The following EXOC4 variants were observed in gnomAD, a reference collection of about 807,000 sequenced individuals.
EXOC4 encodes SEC8-like 1.
Under a neutral mutation model 107.2 loss-of-function variants are expected in EXOC4, and 71 were observed. The observed-to-expected ratio is 0.66, with a 90% CI of 0.55 to 0.81. The LOEUF (loss-of-function observed/expected upper bound fraction) is 0.81. Among genes scored for constraint, EXOC4 ranks in the 30% least tolerant of loss-of-function variants. The pLI, the probability that EXOC4 is intolerant of heterozygous loss-of-function variation, is 0.00. For missense variants in EXOC4, 1,108 were observed against 1,189.6 expected (o/e 0.93, Z 1.01); for synonymous variants, 456 against 441.2 (o/e 1.03, Z -0.42).
At chr7:133,440,908 T>C (rs1426267375) in intron 7 of EXOC4, among the ~76,000 whole-genome samples, 3 of 152,232 alleles carry the variant, frequency 2.0e-5, no homozygotes, top group African/African-American at 4.8e-5. Context: ...TTCTTTTTAT[T>C]CCTTTACTTT....
intron 9 of EXOC4, among the ~76,000 whole-genome samples, chr7:133,485,098 T>A (rs28529253): frequency 0.29 from 37,422 of 127,898 alleles, 6,454 homozygotes; most frequent in East Asian, 0.43. Flanking sequence ...AATAAATAAA[T>A]AAATAAATAA....
intron 7 of EXOC4, among the ~76,000 whole-genome samples, chr7:133,417,657 A>C (rs989915655): frequency 1.3e-5 from 2 of 152,160 alleles, no homozygotes; most frequent in African/African-American, 2.4e-5. Context: ...CTGCCTCTGT[A>C]CTAGTGACAT....
intron 10 of EXOC4, among the ~76,000 whole-genome samples, chr7:133,794,061 A>G (rs1190539622): frequency 1.3e-5 from 2 of 152,124 alleles, no homozygotes; most frequent in African/African-American, 4.8e-5. Context: ...GTCCTGATAC[A>G]GTGAGAACTG....
intron 11 of EXOC4, among the ~76,000 whole-genome samples, chr7:133,860,277 A>T (rs114910649): frequency 0.021 from 3,145 of 152,344 alleles, 129 homozygotes; most frequent in African/African-American, 0.072. Flanking sequence ...CTGGTCACAC[A>T]GACTGGCTAA....
intron 14 of EXOC4, among the ~76,000 whole-genome samples, chr7:133,990,570 C>G (rs913491413): frequency 6.6e-6 from 1 of 152,170 alleles, no homozygotes; most frequent in Non-Finnish European, 1.5e-5. Context: ...ATTCTCCTGC[C>G]TTAGCCTCCT....
intron 10 of EXOC4, among the ~76,000 whole-genome samples, chr7:133,704,423 T>C (rs1003224513): frequency 1.3e-5 from 2 of 152,224 alleles, no homozygotes; most frequent in African/African-American, 4.8e-5. Context: ...GCTATTCAGT[T>C]TCTCCAACAG....
intron 10 of EXOC4, among the ~76,000 whole-genome samples, chr7:133,673,492 T>C (rs1793991136): frequency 6.6e-6 from 1 of 152,190 alleles, no homozygotes; most frequent in Non-Finnish European, 1.5e-5. Flanking sequence ...GTGTATGCCC[T>C]GATTCAGAGT....
At chr7:133,691,144 A>G (rs538308332) in intron 10 of EXOC4, among the ~76,000 whole-genome samples, 1 of 152,288 alleles carries the variant, frequency 6.6e-6, no homozygotes, top group African/African-American at 2.4e-5. Flanking sequence ...TCCACAAAAG[A>G]TTTAAGGTGG....
intron 17 of EXOC4, among the ~76,000 whole-genome samples, chr7:134,037,975 T>A (rs1795429578): frequency 6.6e-6 from 1 of 152,194 alleles, no homozygotes; most frequent in African/African-American, 2.4e-5. Context: ...TGCCTAGAAC[T>A]GTGAATAACA....
intron 10 of EXOC4, among the ~76,000 whole-genome samples, chr7:133,732,222 A>G (rs1795343283): frequency 6.6e-6 from 1 of 152,198 alleles, no homozygotes; most frequent in Non-Finnish European, 1.5e-5. Context: ...TTTCACTTAC[A>G]AGTGGGAGTT....
intron 14 of EXOC4, among the ~76,000 whole-genome samples, chr7:133,940,444 A>G (rs889880555): frequency 6.6e-6 from 1 of 152,194 alleles, no homozygotes; most frequent in East Asian, 1.9e-4. Context: ...ATTTTATAAT[A>G]TAAGTTGTAC....
chr7:133,681,561 C>A (rs939367745), intron 10 of EXOC4, among the ~76,000 whole-genome samples: 2 of 152,166 alleles, frequency 1.3e-5, no homozygotes, highest in Admixed American at 6.5e-5. Flanking sequence ...GGACTTCAGT[C>A]TTCCTACCAT....
chr7:133,935,054 T>C (rs1182753309), intron 13 of EXOC4, among the ~76,000 whole-genome samples: 2 of 151,904 alleles, frequency 1.3e-5, no homozygotes, highest in Non-Finnish European at 2.9e-5. Flanking sequence ...TTCTCTGCTA[T>C]GACATGAAGC....
chr7:133,537,538 C>T (rs1354118359), intron 9 of EXOC4, among the ~76,000 whole-genome samples: 1 of 152,124 alleles, frequency 6.6e-6, no homozygotes, highest in Non-Finnish European at 1.5e-5. Flanking sequence ...ACATAGAATA[C>T]CACCTGTACT....
At chr7:133,649,217 C>T (rs1211050017) in intron 10 of EXOC4, among the ~76,000 whole-genome samples, 1 of 152,108 alleles carries the variant, frequency 6.6e-6, no homozygotes, top group African/African-American at 2.4e-5. Flanking sequence ...ACTTATGGTT[C>T]TATGGAATTC....
At chr7:134,089,423 T>C in the EXOC4 span, among the ~76,000 whole-genome samples, 1 of 152,324 alleles carries the variant, frequency 6.6e-6, no homozygotes, top group Non-Finnish European at 1.5e-5. Flanking sequence ...CTCTTACTTC[T>C]GGTGAAAAGC....
intron 17 of EXOC4, among the ~76,000 whole-genome samples, chr7:134,048,416 A>G (rs1201624813): frequency 6.6e-6 from 1 of 152,216 alleles, no homozygotes; most frequent in Non-Finnish European, 1.5e-5. Flanking sequence ...AAGTTAGTTC[A>G]GCATATGCCC....
At chr7:134,099,209 G>A in the EXOC4 span, among the ~76,000 whole-genome samples, 1 of 152,114 alleles carries the variant, frequency 6.6e-6, no homozygotes, top group African/African-American at 2.4e-5. Flanking sequence ...CTTGTAAAAA[G>A]GGTGATGGGA....
intron 1 of EXOC4, among the ~76,000 whole-genome samples, chr7:133,255,621 C>T (rs1794999369): frequency 6.6e-6 from 1 of 152,128 alleles, no homozygotes; most frequent in South Asian, 2.1e-4. Flanking sequence ...TTATATATGA[C>T]CTTAAGACCG....
Sources: allele counts gnomAD v4.1 joint callset (sites outside exome capture counted in the v4.1 genomes callset), GRCh38; gene constraint gnomAD v4.1.1; transcripts MANE v1.5; gene names NCBI Gene and HGNC (gene_info 2026-07-23, HGNC 2026-07-21).